The following AIG1 variants were observed in gnomAD, a reference collection of about 807,000 sequenced individuals.
AIG1 encodes the protein androgen induced 1, also known as androgen-induced gene 1 protein.
In AIG1, 23 loss-of-function variants were observed where a neutral mutation model predicts 31.4. The observed-to-expected ratio is 0.73, with a 90% CI of 0.53 to 1.04. The LOEUF is 1.04. Among genes scored for constraint, AIG1 ranks in the 50% least tolerant of loss-of-function variants. AIG1 has a pLI of 0.00. For missense variants in AIG1, 274 were observed against 295.0 expected, an observed-to-expected ratio of 0.93 and a Z score of 0.52; for synonymous variants, 100 against 110.5, an observed-to-expected ratio of 0.90 and a Z score of 0.60.
chr6:143,316,020 A>G (rs1290161808), intron 4 of AIG1, among the ~76,000 whole-genome samples: 2 of 152,046 alleles, frequency 1.3e-5, no homozygotes, highest in Non-Finnish European at 2.9e-5. Flanking sequence ...CAGTATATAG[A>G]TATTGTTAAG....
intron 2 of AIG1, among the ~76,000 whole-genome samples, chr6:143,142,121 G>A (rs998263680): frequency 3.3e-5 from 5 of 151,994 alleles, no homozygotes; most frequent in Admixed American, 1.3e-4. Context: ...TGTTGCCCAG[G>A]CTGGAATGTA....
At chr6:143,308,920 A>C (rs1179326000) in intron 4 of AIG1, among the ~76,000 whole-genome samples, 1 of 152,158 alleles carries the variant, frequency 6.6e-6, no homozygotes, top group African/African-American at 2.4e-5. Context: ...GGGGTGTGTA[A>C]AGTTTCTGCC....
At chr6:143,196,395 A>ACACACACC (rs1554256854) in intron 3 of AIG1, among the ~76,000 whole-genome samples, 12 of 136,758 alleles carry the variant, frequency 8.8e-5, no homozygotes, top group African/African-American at 2.2e-4. Context: ...ACACACACAC[A>ACACACACC]CCCCAATTTG....
chr6:143,221,151 T>C (rs778598754), intron 3 of AIG1, among the ~76,000 whole-genome samples: 7 of 152,206 alleles, frequency 4.6e-5, no homozygotes, highest in Non-Finnish European at 7.3e-5. Flanking sequence ...ATTCTTTTTC[T>C]TAGCTAGTAG....
chr6:143,128,025 A>G (rs915012102), intron 1 of AIG1, among the ~76,000 whole-genome samples: 5 of 152,180 alleles, frequency 3.3e-5, no homozygotes, highest in African/African-American at 9.7e-5. Context: ...AGATGATGTA[A>G]TGGGATGAAA....
chr6:143,289,223 A>G (rs1160183449), intron 4 of AIG1, among the ~76,000 whole-genome samples: 3 of 152,104 alleles, frequency 2.0e-5, no homozygotes, highest in Admixed American at 6.5e-5. Context: ...ATTTCAAAAT[A>G]TGTCAAAGAA....
chr6:143,090,944 C>T (rs1583141792), intron 1 of AIG1, among the ~76,000 whole-genome samples: 2 of 151,644 alleles, frequency 1.3e-5, no homozygotes, highest in East Asian at 3.9e-4. Flanking sequence ...CAATTGTTGT[C>T]AATCCTCTCA....
rs528404536 is a variant in AIG1, at chr6:143,275,716, A to C, written c.400-8394A>C. Among the ~76,000 whole-genome samples, 19 of 152,306 alleles carry C rather than the reference A, an allele frequency of 1.2e-4. No individual in the cohort carries two copies. The East Asian group carries it at 3.5e-3, about 28-fold the overall frequency. On this transcript the variant is annotated intron_variant, in intron 3 of 5. Transcript: ENST00000357847. Reference sequence around the variant, plus strand: ...TGATATGAGATCTTTCCTTGACATAACCAAGCAGAGCAAATCACTCTGGCC... The same window carrying C: ...TGATATGAGATCTTTCCTTGACATACCCAAGCAGAGCAAATCACTCTGGCC...
intron 1 of AIG1, among the ~76,000 whole-genome samples, chr6:143,086,581 G>A (rs888490429): frequency 6.6e-6 from 1 of 152,140 alleles, no homozygotes; most frequent in Non-Finnish European, 1.5e-5. Context: ...TAAATTGGGA[G>A]GGACACGAGG....
At chr6:143,294,034 A>G (rs1798245463) in intron 4 of AIG1, among the ~76,000 whole-genome samples, 1 of 152,106 alleles carries the variant, frequency 6.6e-6, no homozygotes, top group Non-Finnish European at 1.5e-5. Context: ...CCCTACAAAC[A>G]TCATTTCTGC....
At chr6:143,082,756 T>A (rs1487380173) in intron 1 of AIG1, among the ~76,000 whole-genome samples, 1 of 152,202 alleles carries the variant, frequency 6.6e-6, no homozygotes, top group Non-Finnish European at 1.5e-5. Flanking sequence ...ATGCCACGGG[T>A]TGCAAGCTGG....
At position 143,107,068 on chromosome 6, in the gene AIG1, G is replaced by A. The variant is rs187438579; in HGVS notation, c.142-29767G>A. Among the ~76,000 whole-genome samples, 381 of 152,242 alleles carry A rather than the reference G, an allele frequency of 2.5e-3. 1 individual carries two copies. Among genetic ancestry groups the A allele is most frequent in the Non-Finnish European group, 2.4e-3 (163 of 68,014 alleles). On this transcript the variant is annotated intron_variant, in intron 1 of 5. Transcript: ENST00000357847. ...ACACACATTCAAACCATAGCACCTTGATCAGTTCTTCGTCTCCCTAAGTCC... is the reference window on the plus strand; with the variant it reads ...ACACACATTCAAACCATAGCACCTTAATCAGTTCTTCGTCTCCCTAAGTCC...
chr6:143,276,293 T>C (rs1669200014), intron 3 of AIG1, among the ~76,000 whole-genome samples: 1 of 152,194 alleles, frequency 6.6e-6, no homozygotes, highest in Non-Finnish European at 1.5e-5. Context: ...GGGGCTAATG[T>C]TAGAAGTGAG....
intron 3 of AIG1, among the ~76,000 whole-genome samples, chr6:143,197,718 C>A (rs888277580): frequency 6.6e-6 from 1 of 152,158 alleles, no homozygotes; most frequent in Non-Finnish European, 1.5e-5. Flanking sequence ...AGCCTAGATC[C>A]TTGAATAATT....
intron 4 of AIG1, among the ~76,000 whole-genome samples, chr6:143,306,276 A>G (rs1799297993): frequency 1.3e-5 from 2 of 152,084 alleles, no homozygotes; most frequent in Non-Finnish European, 2.9e-5. Flanking sequence ...TTTTGATGTT[A>G]GCTGGTTATT....
intron 1 of AIG1, chr6:143,061,403 AAG>A: frequency 4.6e-6 from 2 of 430,996 alleles, no homozygotes; most frequent in South Asian, 1.8e-5. Flanking sequence ...TCTTCAACAA[AAG>A]CATCGGACCT....
At chr6:143,113,766 C>T (rs995441387) in intron 1 of AIG1, among the ~76,000 whole-genome samples, 1 of 151,872 alleles carries the variant, frequency 6.6e-6, no homozygotes, top group Non-Finnish European at 1.5e-5. Context: ...CCATGTTTAT[C>T]TTATGTAAAT....
At chr6:143,063,681 AAG>A (rs1163534029) in intron 1 of AIG1, among the ~76,000 whole-genome samples, 1 of 152,204 alleles carries the variant, frequency 6.6e-6, no homozygotes, top group African/African-American at 2.4e-5. Context: ...GTAATTTTGC[AAG>A]AGTTTAACTT....
chr6:143,157,994 T>C (rs1785965182), intron 2 of AIG1, among the ~76,000 whole-genome samples: 1 of 152,222 alleles, frequency 6.6e-6, no homozygotes. Flanking sequence ...GGAGACAGAC[T>C]AGGGAATGGA....
Sources: gnomAD v4.1 joint callset for allele counts (sites outside exome capture counted in the v4.1 genomes callset) on GRCh38, gnomAD v4.1.1 for gene constraint, MANE v1.5 for transcripts, NCBI Gene and HGNC (gene_info 2026-07-23, HGNC 2026-07-21) for gene names.